Variants in RARB observed in about 807,000 individuals in gnomAD.
RARB encodes the protein HBV-activated protein.
A neutral mutation model predicts 51.9 loss-of-function variants in RARB; 17 were observed. That is an observed-to-expected ratio of 0.33 (90% confidence interval 0.22 to 0.49). The LOEUF is 0.49. Among genes scored for constraint, RARB ranks in the 20% least tolerant of loss-of-function variants. RARB has a pLI of 0.99. For synonymous variants in RARB, 215 were observed against 195.4 expected (o/e 1.10, Z -0.84); for missense variants, 369 against 550.8 (o/e 0.67, Z 3.30).
intron 5 of RARB, among the ~76,000 whole-genome samples, chr3:25,384,267 C>T (rs2125481950): frequency 6.6e-6 from 1 of 151,902 alleles, no homozygotes; most frequent in East Asian, 1.9e-4. Flanking sequence ...AGTATAATGT[C>T]TCCTTCCTTC....
chr3:25,291,339 T>A (rs1368773541), intron 5 of RARB, among the ~76,000 whole-genome samples: 1 of 152,174 alleles, frequency 6.6e-6, no homozygotes, highest in African/African-American at 2.4e-5. Flanking sequence ...AACCAGTCAT[T>A]AATGGTCCCA....
intron 2 of RARB, among the ~76,000 whole-genome samples, chr3:25,001,494 G>T (rs1035066118): frequency 1.3e-5 from 2 of 152,014 alleles, no homozygotes; most frequent in Non-Finnish European, 2.9e-5. Flanking sequence ...AAAAATGCGG[G>T]ACTGGTGGGA....
chr3:25,286,083 CTTTTTTTTTTTTT>C (rs33947703), intron 5 of RARB, among the ~76,000 whole-genome samples: 4 of 76,498 alleles, frequency 5.2e-5, no homozygotes, highest in African/African-American at 1.1e-4. Context: ...TGATCTTTCT[CTTTTTTTTTTTTT>C]TTTTTTTTTT....
intron 3 of RARB, among the ~76,000 whole-genome samples, chr3:25,111,121 A>T (rs1699593991): frequency 6.6e-6 from 1 of 152,212 alleles, no homozygotes; most frequent in South Asian, 2.1e-4. Context: ...CAAGGAAGTC[A>T]AGAATCCATA....
chr3:25,136,651 C>T (rs1013250074), intron 4 of RARB, among the ~76,000 whole-genome samples: 12 of 152,048 alleles, frequency 7.9e-5, no homozygotes, highest in Non-Finnish European at 1.5e-4. Context: ...ATAACATATG[C>T]CACATACCTT....
intron 3 of RARB, among the ~76,000 whole-genome samples, chr3:25,091,928 G>A (rs1185258849): frequency 6.6e-6 from 1 of 152,144 alleles, no homozygotes; most frequent in Non-Finnish European, 1.5e-5. Context: ...TGTGTGTGGA[G>A]ATATATTTTC....
intron 5 of RARB, among the ~76,000 whole-genome samples, chr3:25,294,104 C>T (rs1247466015): frequency 1.3e-5 from 2 of 152,184 alleles, no homozygotes; most frequent in Non-Finnish European, 2.9e-5. Context: ...AAGAGCTCCA[C>T]ATCTGTAAGA....
rs538310018 is a variant in RARB at position 24,918,424 on chromosome 3, A to G, written c.-380+59672A>G. Among the ~76,000 whole-genome samples, 5 of 152,316 alleles carry G rather than the reference A, an allele frequency of 3.3e-5. No homozygotes were observed. The South Asian group carries it at 1.0e-3, about 32-fold the overall frequency. On this transcript the variant is annotated intron_variant, in intron 2 of 11. Coordinates refer to the RARB transcript ENST00000383772. ...AGAGAACAGGAATTAACTGCAAAAGAGAAAGTGGGGTCTTTTTGGGGTGAC... is the reference window on the plus strand; with the variant it reads ...AGAGAACAGGAATTAACTGCAAAAGGGAAAGTGGGGTCTTTTTGGGGTGAC...
At chr3:25,135,154 G>C (rs918833338) in intron 4 of RARB, among the ~76,000 whole-genome samples, 1 of 151,104 alleles carries the variant, frequency 6.6e-6, no homozygotes, top group Non-Finnish European at 1.5e-5. Flanking sequence ...GGTAGAAATT[G>C]TTTCGATCCA....
chr3:24,898,930 T>G (rs1703537812), intron 2 of RARB, among the ~76,000 whole-genome samples: 1 of 152,182 alleles, frequency 6.6e-6, no homozygotes, highest in South Asian at 2.1e-4. Flanking sequence ...CTCCATAAAC[T>G]TCTATGTACA....
At chr3:25,133,961 A>AT (rs1699993005) in intron 4 of RARB, among the ~76,000 whole-genome samples, 2 of 144,628 alleles carry the variant, frequency 1.4e-5, no homozygotes, top group South Asian at 4.3e-4. Flanking sequence ...TACTGTTTTC[A>AT]TTAAAAAAAA....
chr3:24,998,451 C>T (rs1165789068), intron 2 of RARB, among the ~76,000 whole-genome samples: 6 of 151,862 alleles, frequency 4.0e-5, no homozygotes, highest in Non-Finnish European at 5.9e-5. Flanking sequence ...TTCATTGTCA[C>T]CACAAAGACC....
chr3:25,547,783 G>A (rs971564772), intron 3 of RARB, among the ~76,000 whole-genome samples: 3 of 152,196 alleles, frequency 2.0e-5, no homozygotes, highest in Admixed American at 1.3e-4. Flanking sequence ...AGGGAAGAAA[G>A]GAGGATAGAC....
At chr3:25,441,751 T>A (rs984094208) in intron 1 of RARB, among the ~76,000 whole-genome samples, 1 of 152,218 alleles carries the variant, frequency 6.6e-6, no homozygotes, top group Non-Finnish European at 1.5e-5. Flanking sequence ...TTTTCTGTGT[T>A]CTCACCCTTT....
At chr3:25,292,965 C>T (rs78337440) in intron 5 of RARB, among the ~76,000 whole-genome samples, 5,693 of 152,178 alleles carry the variant, frequency 0.037, 148 homozygotes, top group Middle Eastern at 0.068. Context: ...GTGTTCTCCG[C>T]GAGAGCCAAA....
intron 5 of RARB, among the ~76,000 whole-genome samples, chr3:25,301,341 A>T (rs999147052): frequency 6.6e-6 from 1 of 152,070 alleles, no homozygotes; most frequent in Non-Finnish European, 1.5e-5. Context: ...CCTCCCTTGC[A>T]TGTCTTGGGC....
chr3:24,950,826 T>A (rs955761193), intron 2 of RARB, among the ~76,000 whole-genome samples: 1 of 152,150 alleles, frequency 6.6e-6, no homozygotes, highest in Admixed American at 6.6e-5. Flanking sequence ...GTGCAGTAAT[T>A]TTTCAAAGTG....
At chr3:24,950,191 G>C (rs1440635248) in intron 2 of RARB, among the ~76,000 whole-genome samples, 2 of 152,114 alleles carry the variant, frequency 1.3e-5, no homozygotes, top group African/African-American at 2.4e-5. Context: ...AATTAATAGA[G>C]CCTCTTAAAA....
chr3:24,975,286 G>C (rs917562077), intron 2 of RARB, among the ~76,000 whole-genome samples: 36 of 152,122 alleles, frequency 2.4e-4, no homozygotes, highest in African/African-American at 8.4e-4. Context: ...TATTATTACT[G>C]TTATTTCTAA....
Sources: allele counts gnomAD v4.1 joint callset (sites outside exome capture counted in the v4.1 genomes callset), GRCh38; gene constraint gnomAD v4.1.1; transcripts MANE v1.5; gene names NCBI Gene and HGNC (gene_info 2026-07-23, HGNC 2026-07-21).